ABTB3: variants seen among roughly 807,000 people sequenced by gnomAD.
The protein encoded by ABTB3 is ankyrin repeat and BTB domain containing 3.
the ABTB3 span, among the ~76,000 whole-genome samples, chr12:107,502,422 G>A: frequency 6.6e-6 from 1 of 151,948 alleles, no homozygotes; most frequent in Non-Finnish European, 1.5e-5. Context: ...TCCTTAATGG[G>A]ATCTGAGGCA....
chr12:107,473,880 C>T, the ABTB3 span, among the ~76,000 whole-genome samples: 9 of 151,486 alleles, frequency 5.9e-5, no homozygotes, highest in African/African-American at 2.2e-4. Flanking sequence ...CAGCTCTCTG[C>T]AACCTCCGTC....
At chr12:107,650,581 G>A in the ABTB3 span, 1 of 152,250 alleles carries the variant, frequency 6.6e-6, no homozygotes, top group African/African-American at 2.4e-5. Flanking sequence ...CCAGGCTGGA[G>A]TGCAGTGGTG....
the ABTB3 span, among the ~76,000 whole-genome samples, chr12:107,555,708 C>A: frequency 2.0e-5 from 3 of 152,320 alleles, no homozygotes; most frequent in East Asian, 5.8e-4. Context: ...TACCATGCGC[C>A]TCATTTCAGA....
chr12:107,609,988 A>G, the ABTB3 span: 2 of 611,818 alleles, frequency 3.3e-6, no homozygotes, highest in African/African-American at 1.8e-5. Flanking sequence ...ATGGGAGCAC[A>G]CAGGAGACTA....
chr12:107,563,609 C>T, the ABTB3 span, among the ~76,000 whole-genome samples: 9 of 151,826 alleles, frequency 5.9e-5, no homozygotes, highest in Non-Finnish European at 1.2e-4. Context: ...TGGTATTGGG[C>T]ATTGTGCACA....
chr12:107,507,238 G>A, the ABTB3 span, among the ~76,000 whole-genome samples: 8 of 152,256 alleles, frequency 5.3e-5, no homozygotes, highest in Non-Finnish European at 8.8e-5. Flanking sequence ...GAGCTCTAGA[G>A]GCACAGGCAG....
At chr12:107,434,691 C>T in the ABTB3 span, among the ~76,000 whole-genome samples, 2 of 151,858 alleles carry the variant, frequency 1.3e-5, no homozygotes, top group African/African-American at 4.8e-5. Flanking sequence ...AGTGAGACCC[C>T]GTCTCTACAA....
chr12:107,334,813 C>T, the ABTB3 span, among the ~76,000 whole-genome samples: 1 of 152,160 alleles, frequency 6.6e-6, no homozygotes, highest in Non-Finnish European at 1.5e-5. Context: ...TGAGAAGGAG[C>T]AGCCAAGTGT....
the ABTB3 span, among the ~76,000 whole-genome samples, chr12:107,337,925 T>A: frequency 6.6e-6 from 1 of 152,238 alleles, no homozygotes; most frequent in Non-Finnish European, 1.5e-5. Flanking sequence ...CTTGCTGTTC[T>A]CTCTCCATCT....
chr12:107,500,586 C>T, the ABTB3 span, among the ~76,000 whole-genome samples: 1 of 152,212 alleles, frequency 6.6e-6, no homozygotes, highest in Non-Finnish European at 1.5e-5. Flanking sequence ...GGTTACCCCC[C>T]ACTCTCAACC....
At chr12:107,536,583 A>G in the ABTB3 span, among the ~76,000 whole-genome samples, 1 of 152,322 alleles carries the variant, frequency 6.6e-6, no homozygotes, top group South Asian at 2.1e-4. Flanking sequence ...ATCTAAATAG[A>G]CATTTCTCAA....
chr12:107,649,059 T>G, the ABTB3 span: 1 of 663,352 alleles, frequency 1.5e-6, no homozygotes, highest in Non-Finnish European at 2.7e-6. Context: ...TAGTGAGCTC[T>G]TGGTCACTGG....
chr12:107,471,075 TG>T, the ABTB3 span, among the ~76,000 whole-genome samples: 2 of 152,226 alleles, frequency 1.3e-5, 1 homozygote, highest in Non-Finnish European at 2.9e-5. Flanking sequence ...GCTTGATGGA[TG>T]GGGCTGCAAG....
At chr12:107,373,680 A>T in the ABTB3 span, among the ~76,000 whole-genome samples, 1 of 152,130 alleles carries the variant, frequency 6.6e-6, no homozygotes. Context: ...AGCAACTAAA[A>T]TTGAGTCAGC....
the ABTB3 span, among the ~76,000 whole-genome samples, chr12:107,489,339 C>T: frequency 1.6e-4 from 24 of 152,150 alleles, no homozygotes; most frequent in South Asian, 2.1e-4. Flanking sequence ...TGACCAACAT[C>T]GTGAAACCCC....
At chr12:107,610,152 AGCC>A in the ABTB3 span, 1 of 1,613,004 alleles carries the variant, frequency 6.2e-7, no homozygotes, top group Non-Finnish European at 8.5e-7. Context: ...CCCTCTGGGA[AGCC>A]GCTGTACCCG....
chr12:107,383,154 C>G, the ABTB3 span, among the ~76,000 whole-genome samples: 1 of 152,172 alleles, frequency 6.6e-6, no homozygotes, highest in African/African-American at 2.4e-5. Flanking sequence ...CTTTGCAGCT[C>G]TTCGTTTTGG....
At chr12:107,566,688 C>A in the ABTB3 span, among the ~76,000 whole-genome samples, 1 of 151,368 alleles carries the variant, frequency 6.6e-6, no homozygotes, top group African/African-American at 2.4e-5. Context: ...CACACACAAA[C>A]ATCTTTACCA....
At chr12:107,525,324 CAAAAA>C in the ABTB3 span, among the ~76,000 whole-genome samples, 48 of 34,890 alleles carry the variant, frequency 1.4e-3, no homozygotes, top group African/African-American at 3.5e-3. Flanking sequence ...AAGATCCTGT[CAAAAA>C]AAAAAAAAAA....
Sources: allele counts gnomAD v4.1 joint callset (sites outside exome capture counted in the v4.1 genomes callset), GRCh38; gene constraint gnomAD v4.1.1; transcripts MANE v1.5; gene names NCBI Gene and HGNC (gene_info 2026-07-23, HGNC 2026-07-21).